Variants in CNTNAP3 observed in about 807,000 individuals in gnomAD.
The protein encoded by CNTNAP3 is contactin-associated protein-like 3.
In CNTNAP3, 36 loss-of-function variants were observed where a neutral mutation model predicts 92.1. That is an observed-to-expected ratio of 0.39 (90% CI 0.30 to 0.52). The LOEUF (loss-of-function observed/expected upper bound fraction) is 0.52, where lower values mean the gene tolerates loss of function less well. CNTNAP3 is among the 20% of genes least tolerant of loss of function. CNTNAP3 has a pLI of 0.76. For missense variants in CNTNAP3, 534 were observed against 1,069.6 expected, an observed-to-expected ratio of 0.50 and a Z score of 6.98; for synonymous variants, 232 against 422.3, an observed-to-expected ratio of 0.55 and a Z score of 5.53.
In CNTNAP3 at chr9:39,122,150, C is replaced by G; in HGVS notation, c.2081-3891G>C. ...CGGGCAGATCATGAGGTCAGGAGAT[C>G]GAGACCATCCTGGCTAACATGGTGA... is the stretch of plus-strand genomic sequence containing the variant. On this transcript the variant is annotated intron_variant, in intron 13 of 23. Transcript: ENST00000297668. Among the ~76,000 whole-genome samples, 2 of 151,980 alleles carry G rather than the reference C, an allele frequency of 1.3e-5. 1 individual carries two copies. Among genetic ancestry groups the G allele is most frequent in the Non-Finnish European group, 2.9e-5 (2 of 67,972 alleles).
chr9:39,108,070 A>T (rs1443234561), intron 15 of CNTNAP3, among the ~76,000 whole-genome samples: 1 of 152,130 alleles, frequency 6.6e-6, no homozygotes, highest in East Asian at 1.9e-4. Context: ...GTCAGAGTTA[A>T]AGAACTTTAC....
At chr9:39,100,670 G>A (rs1368731207) in intron 17 of CNTNAP3, among the ~76,000 whole-genome samples, 1 of 152,108 alleles carries the variant, frequency 6.6e-6, no homozygotes, top group Non-Finnish European at 1.5e-5. Context: ...AGGCAAAGGA[G>A]GGGAAGTTGG....
At chr9:39,179,286 TACACACACACACACACACA>T (rs1822402706) in intron 4 of CNTNAP3, among the ~76,000 whole-genome samples, 1 of 80,756 alleles carries the variant, frequency 1.2e-5, no homozygotes, top group African/African-American at 5.7e-5. Flanking sequence ...TCTCTCTCTC[TACACACACACACACACACA>T]CACACACACA....
intron 13 of CNTNAP3, among the ~76,000 whole-genome samples, chr9:39,124,867 G>A (rs555588923): frequency 8.7e-4 from 133 of 152,238 alleles, no homozygotes; most frequent in African/African-American, 3.0e-3. Context: ...AACAGGTGCA[G>A]GAGAGGATGT....
chr9:39,288,121 C>T lies in CNTNAP3; in HGVS notation c.-57G>A. 2.1e-6 allele frequency: 1 copy of T among 483,390 alleles called. No individual in the cohort carries two copies. Among genetic ancestry groups the T allele is most frequent in the Non-Finnish European group, 3.0e-6 (1 of 338,132 alleles). 29.9% of individuals were successfully genotyped at this position (483,390 alleles called of 1,614,324 possible). A position where few individuals can be genotyped will look rare whatever the true frequency, so the allele number is the denominator to read the frequency against. On this transcript the variant is annotated 5_prime_UTR_variant, in exon 1 of 24. Coordinates refer to ENST00000297668, the MANE Select transcript of CNTNAP3 (RefSeq NM_033655.5). ...GCACGGCGACGGCCGCTCTGCGTCG[C>T]TCCTGCTCTCACTCCCGTCCCCTGC...
chr9:39,087,663 T>A (rs1329537013), intron 19 of CNTNAP3, among the ~76,000 whole-genome samples: 1 of 152,102 alleles, frequency 6.6e-6, no homozygotes, highest in Non-Finnish European at 1.5e-5. Context: ...ATTTTTTGTA[T>A]TTTTAGTAGA....
chr9:39,065,691 T>C lies in CNTNAP3; in HGVS notation c.*8199A>G, dbSNP rs1825495026. On this transcript the variant is annotated 3_prime_UTR_variant, in exon 24 of 24. Transcript: ENST00000297668. ...TAGTGGGAAGAATAACTCACTGTGG[T>C]TTTAATTTGCATTTCCTTAATGACA... Among the ~76,000 whole-genome samples, 2 of 152,242 alleles carry C rather than the reference T, an allele frequency of 1.3e-5. No individual in the cohort carries two copies. Among genetic ancestry groups the C allele is most frequent in the Admixed American group, 1.3e-4 (2 of 15,290 alleles).
At chr9:39,137,802 C>T (rs1264557667) in intron 12 of CNTNAP3, among the ~76,000 whole-genome samples, 1 of 151,970 alleles carries the variant, frequency 6.6e-6, no homozygotes, top group Non-Finnish European at 1.5e-5. Context: ...GCGTGAGCCA[C>T]CGTCTGTTTT....
intron 13 of CNTNAP3, among the ~76,000 whole-genome samples, chr9:39,119,120 T>C (rs367986543): frequency 3.6e-4 from 55 of 152,256 alleles, no homozygotes; most frequent in African/African-American, 1.3e-3. Context: ...GTTGCAGTCA[T>C]CACAGATGAG....
At chr9:39,137,579 C>A (rs2118076425) in intron 12 of CNTNAP3, among the ~76,000 whole-genome samples, 1 of 152,230 alleles carries the variant, frequency 6.6e-6, no homozygotes, top group Middle Eastern at 3.4e-3. Flanking sequence ...GTGGCATGAT[C>A]TCAGCTCACT....
chr9:39,209,701 T>TCCC (rs1822599514), intron 3 of CNTNAP3, among the ~76,000 whole-genome samples: 2 of 6,212 alleles, frequency 3.2e-4, no homozygotes, highest in Non-Finnish European at 1.5e-3. Flanking sequence ...CCTTCCTTCC[T>TCCC]TCCTTCCTTC....
chr9:39,147,656 T>G (rs1004117569), intron 10 of CNTNAP3, among the ~76,000 whole-genome samples: 2 of 152,244 alleles, frequency 1.3e-5, no homozygotes, highest in African/African-American at 4.8e-5. Flanking sequence ...ACATGCTTAG[T>G]TGAGCATGTT....
intron 13 of CNTNAP3, among the ~76,000 whole-genome samples, chr9:39,127,869 C>T (rs1450011388): frequency 2.0e-5 from 3 of 151,998 alleles, no homozygotes; most frequent in Non-Finnish European, 2.9e-5. Flanking sequence ...GATGAAATCT[C>T]GTTCTGTTGC....
intron 12 of CNTNAP3, among the ~76,000 whole-genome samples, chr9:39,137,403 GCTAT>G (rs1336207100): frequency 6.6e-6 from 1 of 152,106 alleles, no homozygotes; most frequent in African/African-American, 2.4e-5. Context: ...GGTCTTGCAT[GCTAT>G]CTATTTTATC....
intron 13 of CNTNAP3, among the ~76,000 whole-genome samples, chr9:39,126,355 A>G (rs1821152302): frequency 6.6e-6 from 1 of 152,226 alleles, no homozygotes; most frequent in Non-Finnish European, 1.5e-5. Context: ...TTCACTGGTG[A>G]GTTCTATCAA....
rs1409628765 is a variant in CNTNAP3, at chr9:39,108,197, G to C, written c.2365+963C>G. Among the ~76,000 whole-genome samples, 15 of 152,122 alleles carry C rather than the reference G, an allele frequency of 9.9e-5. No homozygotes were observed. In the East Asian group the frequency reaches 2.7e-3, roughly 28 times the overall value. On this transcript the variant is annotated intron_variant, in intron 15 of 23. Transcript: ENST00000297668. ...CCAGGTGGATGCTACACACACAGTG[G>C]GTAGGTCTGCATCTCAGATGAGGAG... is the stretch of plus-strand genomic sequence containing the variant.
rs558782624 is a variant in CNTNAP3 at position 39,109,899 on chromosome 9, A to C, written c.2238-612T>G. 2.6e-5 allele frequency among the ~76,000 whole-genome samples: 4 copies of C among 152,356 alleles called. No individual in the cohort carries two copies. In the South Asian group the frequency reaches 8.3e-4, roughly 32 times the overall value. ...AAATAAAAATAGTAACACTGGATTTAGATATTCATTTTGCAGAATATTAAT... is the reference window on the plus strand; with the variant it reads ...AAATAAAAATAGTAACACTGGATTTCGATATTCATTTTGCAGAATATTAAT... On this transcript the variant is annotated intron_variant, in intron 14 of 23. Coordinates refer to ENST00000297668, the MANE Select transcript of CNTNAP3 (RefSeq NM_033655.5).
intron 12 of CNTNAP3, among the ~76,000 whole-genome samples, chr9:39,137,928 T>C (rs1487722518): frequency 3.3e-5 from 5 of 151,916 alleles, no homozygotes; most frequent in East Asian, 1.9e-4. Flanking sequence ...GGTGTGACCA[T>C]GGCTCACTGC....
In CNTNAP3 at chr9:39,150,978, A is replaced by C. The variant is rs1384567272; in HGVS notation, c.1478-1001T>G. On this transcript the variant is annotated intron_variant, in intron 9 of 23. Coordinates refer to ENST00000297668, the MANE Select transcript of CNTNAP3 (RefSeq NM_033655.5). ...GTCTTGAACTTACTCCCACCCTCTG[A>C]GTTACAATATATAACCTAATAATGG... Among the ~76,000 whole-genome samples, 2 of 148,258 alleles carry C rather than the reference A, an allele frequency of 1.3e-5. 1 individual carries two copies. The highest frequency in any genetic ancestry group is 3.9e-4 in the East Asian group (2 of 5,072).
Sources: gnomAD v4.1 joint callset for allele counts (sites outside exome capture counted in the v4.1 genomes callset) on GRCh38, gnomAD v4.1.1 for gene constraint, MANE v1.5 for transcripts, NCBI Gene and HGNC (gene_info 2026-07-23, HGNC 2026-07-21) for gene names.